IQCJ: variants seen among roughly 807,000 people sequenced by gnomAD.
The protein encoded by IQCJ is IQ motif containing J, also known as IQ domain-containing protein J.
A neutral mutation model predicts 11.0 loss-of-function variants in IQCJ; 9 were observed. That is an observed-to-expected ratio of 0.82 (90% CI 0.49 to 1.43). The LOEUF (loss-of-function observed/expected upper bound fraction) is 1.43. Ranked by LOEUF, IQCJ falls within the 40% of genes most tolerant of loss-of-function variation. The probability of loss-of-function intolerance (pLI) is 0.00; values close to 1 mark genes in which losing one functional copy is unlikely to be tolerated. For missense variants in IQCJ, 146 were observed against 133.2 expected (o/e 1.10, Z -0.47); for synonymous variants, 55 against 51.3 (o/e 1.07, Z -0.31).
intron 1 of IQCJ, among the ~76,000 whole-genome samples, chr3:159,071,597 A>G (rs961551976): frequency 2.0e-5 from 3 of 152,218 alleles, no homozygotes; most frequent in East Asian, 3.9e-4. Flanking sequence ...TTTGAAGTCA[A>G]TTATTTTGTT....
intron 1 of IQCJ, among the ~76,000 whole-genome samples, chr3:159,071,605 G>T (rs1715566550): frequency 6.6e-6 from 1 of 151,952 alleles, no homozygotes; most frequent in South Asian, 2.1e-4. Context: ...CAATTATTTT[G>T]TTTGAGGTTT....
chr3:159,247,644 A>C (rs1315424379), intron 2 of IQCJ, among the ~76,000 whole-genome samples: 1 of 152,088 alleles, frequency 6.6e-6, no homozygotes. Flanking sequence ...GGGTCTTAGG[A>C]CTCTCCGTCA....
intron 1 of IQCJ, among the ~76,000 whole-genome samples, chr3:159,116,652 A>G (rs1577019016): frequency 2.7e-5 from 1 of 37,578 alleles, no homozygotes; most frequent in Non-Finnish European, 4.7e-5. Flanking sequence ...ATATATATAT[A>G]TATATATATA....
chr3:159,195,967 GT>G (rs1018622374), intron 1 of IQCJ, among the ~76,000 whole-genome samples: 21 of 152,116 alleles, frequency 1.4e-4, no homozygotes, highest in African/African-American at 4.6e-4. Context: ...TTTATTAAAT[GT>G]TTTCTGTATG....
intron 1 of IQCJ, among the ~76,000 whole-genome samples, chr3:159,110,474 A>G (rs1376276733): frequency 1.3e-5 from 2 of 152,092 alleles, no homozygotes; most frequent in Non-Finnish European, 2.9e-5. Flanking sequence ...AAATAATGTC[A>G]TTTCCTACAG....
intron 3 of IQCJ, among the ~76,000 whole-genome samples, chr3:159,260,893 CT>C (rs1252303804): frequency 6.6e-6 from 1 of 152,066 alleles, no homozygotes; most frequent in Non-Finnish European, 1.5e-5. Context: ...TTGGAAGAGG[CT>C]CCTGGCCTTT....
intron 1 of IQCJ, among the ~76,000 whole-genome samples, chr3:159,198,248 T>C (rs1292804797): frequency 1.3e-5 from 2 of 152,200 alleles, no homozygotes; most frequent in Non-Finnish European, 2.9e-5. Flanking sequence ...CTTTTTTCTG[T>C]ACCACCATTT....
intron 1 of IQCJ, among the ~76,000 whole-genome samples, chr3:159,236,188 T>C (rs1371854173): frequency 6.6e-6 from 1 of 151,838 alleles, no homozygotes; most frequent in African/African-American, 2.4e-5. Flanking sequence ...GCAAGGTAAC[T>C]TCCCTGTGTG....
chr3:159,216,566 A>G (rs1407532344), intron 1 of IQCJ, among the ~76,000 whole-genome samples: 1 of 152,156 alleles, frequency 6.6e-6, no homozygotes, highest in East Asian at 1.9e-4. Flanking sequence ...TTAGTCGGTA[A>G]CTTAATTCAA....
intron 1 of IQCJ, among the ~76,000 whole-genome samples, chr3:159,072,675 C>A (rs1407021242): frequency 6.6e-6 from 1 of 152,012 alleles, no homozygotes; most frequent in East Asian, 1.9e-4. Flanking sequence ...TATGGGCCAG[C>A]TATGGGCCAG....
At chr3:159,159,119 C>G (rs946179262) in intron 1 of IQCJ, among the ~76,000 whole-genome samples, 3 of 152,112 alleles carry the variant, frequency 2.0e-5, no homozygotes, top group African/African-American at 7.2e-5. Context: ...AGAGGTGAAG[C>G]AGCATGGGTG....
At chr3:159,081,602 T>C (rs1486310142) in intron 1 of IQCJ, among the ~76,000 whole-genome samples, 1 of 152,150 alleles carries the variant, frequency 6.6e-6, no homozygotes, top group Non-Finnish European at 1.5e-5. Context: ...CATCATTTTT[T>C]CAGTGTGGTT....
At chr3:159,088,744 C>T (rs1171387771) in intron 1 of IQCJ, among the ~76,000 whole-genome samples, 1 of 149,700 alleles carries the variant, frequency 6.7e-6, no homozygotes, top group African/African-American at 2.5e-5. Context: ...ATTGCAACCC[C>T]TGCCTTTTTT....
chr3:159,140,463 C>G lies in IQCJ; in HGVS notation c.9+71022C>G, dbSNP rs556476402. Among the ~76,000 whole-genome samples, 9 of 152,244 alleles carry G rather than the reference C, an allele frequency of 5.9e-5. No homozygotes were observed. In the South Asian group the frequency reaches 8.3e-4, roughly 14 times the overall value. On this transcript the variant is annotated intron_variant, in intron 1 of 3. Transcript: ENST00000397832. ...GTCACACTGGTCTGGTTGCAAGCCT[C>G]TAGTATCTTCCAGTTTTTGAATAGT...
chr3:159,185,804 G>A (rs1447500635), intron 1 of IQCJ, among the ~76,000 whole-genome samples: 2 of 152,064 alleles, frequency 1.3e-5, no homozygotes, highest in Non-Finnish European at 2.9e-5. Context: ...CTCAAAACAT[G>A]GTATCTGGCT....
intron 1 of IQCJ, among the ~76,000 whole-genome samples, chr3:159,081,651 A>G (rs984348695): frequency 3.9e-5 from 6 of 152,014 alleles, no homozygotes; most frequent in African/African-American, 1.4e-4. Context: ...TCTCCAATAT[A>G]ATTTATATTC....
chr3:159,077,968 G>C (rs1049818073), intron 1 of IQCJ, among the ~76,000 whole-genome samples: 2 of 151,994 alleles, frequency 1.3e-5, no homozygotes, highest in Non-Finnish European at 2.9e-5. Context: ...AGTTAAAACA[G>C]GACGTGTATC....
At chr3:159,258,232 G>A (rs1238569825) in intron 3 of IQCJ, among the ~76,000 whole-genome samples, 1 of 152,140 alleles carries the variant, frequency 6.6e-6, no homozygotes, top group African/African-American at 2.4e-5. Flanking sequence ...TCTACTTGCT[G>A]AAACTTTAGA....
chr3:159,119,467 G>A (rs969627290), intron 1 of IQCJ, among the ~76,000 whole-genome samples: 1 of 152,148 alleles, frequency 6.6e-6, no homozygotes, highest in African/African-American at 2.4e-5. Flanking sequence ...TGTGATATTA[G>A]GCCCATGCCT....
Sources: allele counts gnomAD v4.1 joint callset (sites outside exome capture counted in the v4.1 genomes callset), GRCh38; gene constraint gnomAD v4.1.1; transcripts MANE v1.5; gene names NCBI Gene and HGNC (gene_info 2026-07-23, HGNC 2026-07-21).